The following ARFGEF2 variants were observed in gnomAD, a reference collection of about 807,000 sequenced individuals.
The protein encoded by ARFGEF2 is brefeldin A-inhibited guanine nucleotide-exchange protein 2.
ARFGEF2 carries 74 observed loss-of-function variants against 219.9 expected under a neutral mutation model. That is an observed-to-expected ratio of 0.34 (90% confidence interval 0.28 to 0.41). ARFGEF2 has a LOEUF of 0.41. Ranked by LOEUF, ARFGEF2 falls within the 10% of genes least tolerant of loss-of-function variation. The pLI is 1.00. For missense variants in ARFGEF2, 1,743 were observed against 2,218.3 expected, an observed-to-expected ratio of 0.79 and a Z score of 4.30; for synonymous variants, 733 against 799.2, an observed-to-expected ratio of 0.92 and a Z score of 1.40.
chr20:48,958,653 A>G (rs1285032861), intron 6 of ARFGEF2, among the ~76,000 whole-genome samples: 1 of 151,902 alleles, frequency 6.6e-6, no homozygotes, highest in Non-Finnish European at 1.5e-5. Flanking sequence ...CGCGCTAGCC[A>G]GGATGGTCTC....
chr20:48,927,455 G>A (rs1225349079), intron 1 of ARFGEF2, among the ~76,000 whole-genome samples: 6 of 152,138 alleles, frequency 3.9e-5, no homozygotes, highest in Non-Finnish European at 5.9e-5. Context: ...TTGGGAGGTC[G>A]AGGCGGGCGG....
chr20:49,006,682 G>A (rs1483793512), intron 26 of ARFGEF2, among the ~76,000 whole-genome samples: 1 of 152,174 alleles, frequency 6.6e-6, no homozygotes, highest in Non-Finnish European at 1.5e-5. Context: ...ACAGGGAAGA[G>A]CAAAAGCAAA....
intron 4 of ARFGEF2, 68 bp from the exon 5 acceptor site, chr20:48,952,635 AGT>A: frequency 6.8e-7 from 1 of 1,470,664 alleles, no homozygotes; most frequent in African/African-American, 1.4e-5. Context: ...CCTCTAGAAA[AGT>A]GTGGCCATAG....
At chr20:48,935,833 C>T (rs1383450928) in intron 1 of ARFGEF2, among the ~76,000 whole-genome samples, 2 of 128,772 alleles carry the variant, frequency 1.6e-5, no homozygotes, top group Non-Finnish European at 3.3e-5. Context: ...GACCCCCCAA[C>T]CTCCCTCCCG....
intron 15 of ARFGEF2, among the ~76,000 whole-genome samples, chr20:48,985,113 C>T (rs2091319607): frequency 6.6e-6 from 1 of 152,092 alleles, no homozygotes; most frequent in East Asian, 1.9e-4. Context: ...TGTTCCTTGA[C>T]TGCTAGAAAG....
chr20:49,013,421 G>A (rs1600545785), intron 28 of ARFGEF2, 143 bp from the exon 29 acceptor site: 2 of 1,003,420 alleles, frequency 2.0e-6, no homozygotes, highest in East Asian at 4.8e-5. Context: ...ATGTCTTTGT[G>A]TAGTCTGTTC....
intron 1 of ARFGEF2, among the ~76,000 whole-genome samples, chr20:48,924,325 C>T (rs1164511462): frequency 2.0e-5 from 3 of 151,848 alleles, no homozygotes; most frequent in African/African-American, 4.8e-5. Flanking sequence ...CTGGCTAACA[C>T]GGTGAAACCC....
intron 1 of ARFGEF2, among the ~76,000 whole-genome samples, chr20:48,934,839 T>C (rs1473500727): frequency 6.6e-6 from 1 of 152,220 alleles, no homozygotes; most frequent in African/African-American, 2.4e-5. Flanking sequence ...CTTTATAGTA[T>C]AATGATTTGT....
intron 15 of ARFGEF2, 62 bp downstream of exon 15, chr20:48,984,902 A>G (rs2091317814): frequency 6.2e-7 from 1 of 1,611,240 alleles, no homozygotes; most frequent in Non-Finnish European, 8.5e-7. Context: ...AGCCCTTACC[A>G]GTTTTAACCT....
At chr20:48,997,615 A>G (rs920382155) in intron 23 of ARFGEF2, among the ~76,000 whole-genome samples, 3 of 151,974 alleles carry the variant, frequency 2.0e-5, no homozygotes, top group African/African-American at 7.3e-5. Flanking sequence ...TGCTCACTAT[A>G]GGTTTTTCTG....
At chr20:48,955,509 C>T (rs760092697) in intron 6 of ARFGEF2, among the ~76,000 whole-genome samples, 12 of 152,198 alleles carry the variant, frequency 7.9e-5, no homozygotes, top group Non-Finnish European at 7.3e-5. Flanking sequence ...GCCTGGCACA[C>T]GCAGCAGACA....
intron 34 of ARFGEF2, among the ~76,000 whole-genome samples, chr20:49,021,098 G>A (rs1196154443): frequency 6.6e-6 from 1 of 151,946 alleles, no homozygotes; most frequent in Non-Finnish European, 1.5e-5. Context: ...GAATTGTTAC[G>A]TGTTTTTATA....
At chr20:48,982,446 G>A (rs2091302047) in intron 14 of ARFGEF2, among the ~76,000 whole-genome samples, 1 of 152,206 alleles carries the variant, frequency 6.6e-6, no homozygotes, top group Non-Finnish European at 1.5e-5. Context: ...TCCCAGTTAG[G>A]CTACATGGGG....
intron 3 of ARFGEF2, among the ~76,000 whole-genome samples, chr20:48,946,342 AT>A (rs2091026419): frequency 6.6e-6 from 1 of 152,020 alleles, no homozygotes; most frequent in Admixed American, 6.6e-5. Flanking sequence ...GGTGAAAAAG[AT>A]TCTGTCTTCC....
intron 6 of ARFGEF2, among the ~76,000 whole-genome samples, chr20:48,954,838 C>G (rs911399607): frequency 1.3e-5 from 2 of 152,170 alleles, no homozygotes; most frequent in Non-Finnish European, 2.9e-5. Flanking sequence ...GGAAGGTGCT[C>G]AGAATCCCCC....
chr20:48,988,183 T>TG (rs1224625449), intron 16 of ARFGEF2, 121 bp from the exon 17 acceptor site: 1 of 734,072 alleles, frequency 1.4e-6, no homozygotes, highest in African/African-American at 1.7e-5. Context: ...TAAAAACTCT[T>TG]GCCTCATTTG....
At chr20:48,946,995 C>T (rs763983054) in intron 3 of ARFGEF2, among the ~76,000 whole-genome samples, 10 of 152,136 alleles carry the variant, frequency 6.6e-5, no homozygotes, top group South Asian at 4.2e-4. Context: ...TTGTAGAGAC[C>T]GGGGTCTTAC....
chr20:49,018,283 A>C (rs1394337941), intron 33 of ARFGEF2, among the ~76,000 whole-genome samples: 1 of 151,996 alleles, frequency 6.6e-6, no homozygotes, highest in Non-Finnish European at 1.5e-5. Context: ...CCCAGGCTGG[A>C]GTGCAGCAGT....
chr20:49,018,915 G>A lies in ARFGEF2; in HGVS notation c.4541G>A (p.Ser1514Asn), dbSNP rs571333777. ...DVDLDRQSLSSIDKNPSERGQ... is the reference protein window; with the variant it reads ...DVDLDRQSLSNIDKNPSERGQ... ...GATCTGGACCGCCAGTCTTTAAGCA[G>A]CATAGATAAAAATCCCTCTGAGAGG... Residue 1514 changes from serine to asparagine, a missense_variant, in exon 34 of 39, where the codon AGC becomes AAC. Coordinates refer to ENST00000371917, the MANE Select transcript of ARFGEF2 (RefSeq NM_006420.3). 3 of 1,614,018 alleles carry A rather than the reference G, an allele frequency of 1.9e-6. No individual in the cohort carries two copies. The highest frequency in any genetic ancestry group is 2.2e-5 in the South Asian group (2 of 91,074).
Sources: gnomAD v4.1 joint callset for allele counts (sites outside exome capture counted in the v4.1 genomes callset) on GRCh38, gnomAD v4.1.1 for gene constraint, MANE v1.5 for transcripts, NCBI Gene and HGNC (gene_info 2026-07-23, HGNC 2026-07-21) for gene names.